Variants in XKR6 observed in about 807,000 individuals in gnomAD.
XKR6 encodes XK related 6.
Under a neutral mutation model 56.7 loss-of-function variants are expected in XKR6, and 22 were observed. The observed-to-expected ratio is 0.39, with a 90% CI of 0.28 to 0.55. The LOEUF (loss-of-function observed/expected upper bound fraction) is 0.55, where lower values mean the gene tolerates loss of function less well. Among genes scored for constraint, XKR6 ranks in the 20% least tolerant of loss-of-function variants. XKR6 has a pLI of 0.66. For missense variants in XKR6, 852 were observed against 889.0 expected (o/e 0.96, Z 0.53); for synonymous variants, 524 against 387.8 (o/e 1.35, Z -4.13).
At chr8:11,100,885 G>A (rs1798447908) in intron 1 of XKR6, among the ~76,000 whole-genome samples, 1 of 152,352 alleles carries the variant, frequency 6.6e-6, no homozygotes, top group African/African-American at 2.4e-5. Context: ...GGCCGCAAAT[G>A]TGATTTATGG....
At chr8:10,966,822 C>T (rs1802238744) in intron 1 of XKR6, among the ~76,000 whole-genome samples, 1 of 152,206 alleles carries the variant, frequency 6.6e-6, no homozygotes, top group Non-Finnish European at 1.5e-5. Flanking sequence ...GCACTGACGT[C>T]TGAGAAGCCG....
At chr8:10,955,424 CCCCATGTAGGCCT>C (rs1438625504) in intron 1 of XKR6, among the ~76,000 whole-genome samples, 1 of 151,864 alleles carries the variant, frequency 6.6e-6, no homozygotes, top group Non-Finnish European at 1.5e-5. Context: ...CTTGTGATCC[CCCCATGTAGGCCT>C]CCCAAAGTGC....
chr8:11,122,215 A>G (rs915498213), intron 1 of XKR6, among the ~76,000 whole-genome samples: 6 of 152,224 alleles, frequency 3.9e-5, no homozygotes, highest in Admixed American at 2.0e-4. Flanking sequence ...TGGGACACCC[A>G]CTATTACAGA....
intron 2 of XKR6, among the ~76,000 whole-genome samples, chr8:10,902,508 G>A (rs760111680): frequency 2.1e-4 from 32 of 152,068 alleles, no homozygotes; most frequent in Non-Finnish European, 1.2e-4. Flanking sequence ...TCCTTTCTCC[G>A]TCTGGTCCCT....
At chr8:10,941,154 T>G (rs745328754) in intron 1 of XKR6, among the ~76,000 whole-genome samples, 4 of 151,978 alleles carry the variant, frequency 2.6e-5, no homozygotes, top group African/African-American at 4.8e-5. Context: ...TCCAACAGGC[T>G]CCTTCTACCC....
intron 1 of XKR6, among the ~76,000 whole-genome samples, chr8:11,051,005 G>A (rs368957253): frequency 6.6e-6 from 1 of 152,038 alleles, no homozygotes; most frequent in African/African-American, 2.4e-5. Flanking sequence ...GGAGCAGAAC[G>A]TCTCAAAGAA....
At chr8:11,032,826 C>A (rs569802353) in intron 1 of XKR6, among the ~76,000 whole-genome samples, 2 of 152,284 alleles carry the variant, frequency 1.3e-5, no homozygotes, top group South Asian at 4.1e-4. Context: ...GAGGTAATGC[C>A]CACAAAGGTG....
chr8:11,120,119 C>T (rs964813596), intron 1 of XKR6, among the ~76,000 whole-genome samples: 22 of 152,280 alleles, frequency 1.4e-4, no homozygotes, highest in Admixed American at 1.3e-3. Context: ...CCTTTGAAAA[C>T]TGGCAGAAGA....
chr8:11,005,373 T>C (rs963891070), intron 1 of XKR6, among the ~76,000 whole-genome samples: 2 of 152,054 alleles, frequency 1.3e-5, no homozygotes, highest in Non-Finnish European at 2.9e-5. Context: ...TATAGATATA[T>C]ATATATATAC....
intron 1 of XKR6, chr8:11,109,211 ATTTCTAGGAAG>A (rs1563142078): frequency 1.3e-5 from 2 of 152,188 alleles, no homozygotes; most frequent in East Asian, 1.9e-4. Context: ...GATGTGTTCT[ATTTCTAGGAAG>A]TTTCTAGGAA....
At chr8:11,131,092 G>T (rs1332586723) in intron 1 of XKR6, among the ~76,000 whole-genome samples, 1 of 152,062 alleles carries the variant, frequency 6.6e-6, no homozygotes, top group Non-Finnish European at 1.5e-5. Flanking sequence ...GGTAATCCTT[G>T]TTCACAGCCA....
intron 1 of XKR6, among the ~76,000 whole-genome samples, chr8:10,968,372 G>A (rs1475205186): frequency 4.6e-5 from 7 of 152,216 alleles, no homozygotes; most frequent in Non-Finnish European, 1.0e-4. Context: ...AGTAGAATGT[G>A]TGTCTCTTTC....
At chr8:11,030,191 C>A (rs955804381) in intron 1 of XKR6, among the ~76,000 whole-genome samples, 3 of 152,194 alleles carry the variant, frequency 2.0e-5, no homozygotes, top group Non-Finnish European at 2.9e-5. Context: ...GGGCTCATTT[C>A]CACCTCCGCG....
chr8:10,900,787 G>C (rs1440771559), intron 2 of XKR6, among the ~76,000 whole-genome samples: 1 of 151,820 alleles, frequency 6.6e-6, no homozygotes, highest in Non-Finnish European at 1.5e-5. Context: ...GGGTGCAGCA[G>C]GGAGAACTCC....
chr8:11,107,852 G>C (rs1167099417), intron 1 of XKR6: 1 of 160,916 alleles, frequency 6.2e-6, no homozygotes, highest in African/African-American at 2.4e-5. Flanking sequence ...ATTTTATCTG[G>C]TTACCAGTCT....
intron 1 of XKR6, among the ~76,000 whole-genome samples, chr8:11,155,439 G>A (rs981373710): frequency 7.2e-5 from 11 of 152,076 alleles, no homozygotes; most frequent in Non-Finnish European, 1.6e-4. Context: ...CCCCTCTCAA[G>A]AGAAAAAAAT....
intron 1 of XKR6, among the ~76,000 whole-genome samples, chr8:11,057,570 C>CATGA (rs1207307254): frequency 1.3e-5 from 2 of 152,232 alleles, no homozygotes; most frequent in Admixed American, 1.3e-4. Context: ...GAGGCATTCC[C>CATGA]ATGAGTTCCC....
At chr8:11,169,982 T>TAA (rs71203373) in intron 1 of XKR6, among the ~76,000 whole-genome samples, 71,279 of 151,878 alleles carry the variant, frequency 0.47, 18,008 homozygotes, top group African/African-American at 0.6. Context: ...TAGACATACA[T>TAA]AACAAAATTT....
chr8:11,127,587 C>A (rs1222086646), intron 1 of XKR6, among the ~76,000 whole-genome samples: 1 of 152,164 alleles, frequency 6.6e-6, no homozygotes, highest in African/African-American at 2.4e-5. Context: ...CCTCTGCCTT[C>A]AAAGCTAGTG....
Sources: allele counts gnomAD v4.1 joint callset (sites outside exome capture counted in the v4.1 genomes callset), GRCh38; gene constraint gnomAD v4.1.1; transcripts MANE v1.5; gene names NCBI Gene and HGNC (gene_info 2026-07-23, HGNC 2026-07-21).